Variants in SYT2 observed in about 807,000 individuals in gnomAD.
SYT2 encodes the protein synaptotagmin 2.
Under a neutral mutation model 39.9 loss-of-function variants are expected in SYT2, and 15 were observed. The observed-to-expected ratio is 0.38, with a 90% CI of 0.25 to 0.58. The LOEUF is 0.58. SYT2 is among the 20% of genes least tolerant of loss of function. The pLI is 0.70. For missense variants in SYT2, 389 were observed against 530.3 expected (o/e 0.73, Z 2.62); for synonymous variants, 181 against 204.5 (o/e 0.89, Z 0.98).
At chr1:202,640,790 G>GAGACAGACAGAC (rs796898888) in intron 1 of SYT2, among the ~76,000 whole-genome samples, 1 of 120,016 alleles carries the variant, frequency 8.3e-6, no homozygotes, top group Non-Finnish European at 1.8e-5. Context: ...GAGAGAGAGA[G>GAGACAGACAGAC]AGACAGACAG....
intron 2 of SYT2, 38 bp from the exon 3 acceptor site, chr1:202,604,659 A>G (rs771563807): frequency 1.2e-6 from 2 of 1,600,258 alleles, no homozygotes; most frequent in South Asian, 1.1e-5. Flanking sequence ...CAGCAGTGCC[A>G]TGCCTTGCAG....
At chr1:202,705,174 C>T (rs889792009) in intron 1 of SYT2, among the ~76,000 whole-genome samples, 11 of 152,268 alleles carry the variant, frequency 7.2e-5, no homozygotes, top group Non-Finnish European at 1.2e-4. Flanking sequence ...CTGCAAAGTG[C>T]CTATGATCTG....
rs770281263 is a variant in SYT2 at position 202,604,578 on chromosome 1, G to A, written c.222C>T (p.Leu74=). 1.2e-6 allele frequency: 2 copies of A among 1,614,160 alleles called. No homozygotes were observed. The highest frequency in any genetic ancestry group is 1.1e-5 in the South Asian group (1 of 91,082). Residue 74 remains leucine, a synonymous_variant, in exon 3 of 9, where the codon CTC becomes CTT. Transcript: ENST00000367268. ...ALIAIAVVAG[L]LLLTCCFCIC... ...TGCAGAAGCAGCAGGTGAGAAGCAG[G>A]AGCCCAGCAACCACAGCAATGGCGA...
chr1:202,664,149 G>T (rs1692440426), intron 1 of SYT2, among the ~76,000 whole-genome samples: 1 of 152,162 alleles, frequency 6.6e-6, no homozygotes, highest in South Asian at 2.1e-4. Flanking sequence ...ATGTTGAGAG[G>T]GGTAGAGGGA....
At chr1:202,664,162 A>G (rs2094900826) in intron 1 of SYT2, among the ~76,000 whole-genome samples, 1 of 152,024 alleles carries the variant, frequency 6.6e-6, no homozygotes, top group Non-Finnish European at 1.5e-5. Context: ...TAGAGGGAGG[A>G]CCTTTCCATG....
intron 1 of SYT2, among the ~76,000 whole-genome samples, chr1:202,646,678 G>A (rs889831483): frequency 2.0e-5 from 3 of 152,170 alleles, no homozygotes; most frequent in Admixed American, 6.5e-5. Context: ...AAAGATTAAC[G>A]GGATAATGTA....
chr1:202,616,328 T>G (rs1311376347), intron 1 of SYT2, among the ~76,000 whole-genome samples: 1 of 152,152 alleles, frequency 6.6e-6, no homozygotes, highest in Non-Finnish European at 1.5e-5. Context: ...TCCTGACTTC[T>G]CAGGAAGTCT....
chr1:202,656,716 T>C (rs573020908), intron 1 of SYT2, among the ~76,000 whole-genome samples: 110 of 152,354 alleles, frequency 7.2e-4, no homozygotes, highest in African/African-American at 2.5e-3. Flanking sequence ...GTTTCCTTTG[T>C]GTTTTCACTT....
At chr1:202,633,669 G>A (rs1403063914) in intron 1 of SYT2, among the ~76,000 whole-genome samples, 1 of 152,166 alleles carries the variant, frequency 6.6e-6, no homozygotes, top group Non-Finnish European at 1.5e-5. Context: ...AGGAAACTTA[G>A]GATCAATTGT....
At chr1:202,684,494 A>C (rs917334435) in intron 1 of SYT2, among the ~76,000 whole-genome samples, 2 of 152,158 alleles carry the variant, frequency 1.3e-5, no homozygotes, top group Non-Finnish European at 2.9e-5. Context: ...TGGCTAAATA[A>C]CATTCCATCG....
chr1:202,645,067 T>C (rs1692051501), intron 1 of SYT2, among the ~76,000 whole-genome samples: 1 of 152,100 alleles, frequency 6.6e-6, no homozygotes, highest in South Asian at 2.1e-4. Flanking sequence ...TGTGCGTGTG[T>C]TCATGTGTGG....
At position 202,604,617 on chromosome 1, in the gene SYT2, T is replaced by G; in HGVS notation, c.183A>C (p.Pro61=). 2 of 1,613,924 alleles carry G rather than the reference T, an allele frequency of 1.2e-6. No individual in the cohort carries two copies. The highest frequency in any genetic ancestry group is 1.1e-5 in the South Asian group (1 of 91,034). Reference sequence around the variant, plus strand: ...CAGCAATGGCGATCAGTGCCCAGGGTGGTACTGCCCACACAGAGAAGATCC... The same window carrying G: ...CAGCAATGGCGATCAGTGCCCAGGGGGGTACTGCCCACACAGAGAAGATCC... The part of the protein sequence containing the change: ...LFNEINKIPL[P]PWALIAIAVV... Residue 61 remains proline, a synonymous_variant, in exon 3 of 9, where the codon CCA becomes CCC. Coordinates refer to ENST00000367268, the MANE Select transcript of SYT2 (RefSeq NM_177402.5).
intron 1 of SYT2, among the ~76,000 whole-genome samples, chr1:202,683,483 A>G (rs1450838386): frequency 6.6e-6 from 1 of 152,226 alleles, no homozygotes; most frequent in Non-Finnish European, 1.5e-5. Flanking sequence ...CTCGCCTGTA[A>G]TCCCAGCATT....
chr1:202,683,208 T>C lies in SYT2; in HGVS notation c.-18+27050A>G, dbSNP rs1453524234. Among the ~76,000 whole-genome samples the C allele has an allele frequency of 7.9e-5, 12 of 152,320 alleles. 1 individual carries two copies. The South Asian group carries it at 1.0e-3, about 13-fold the overall frequency. ...GACCAAGCAAAACATACATACCCCG[T>C]GACCTAGCTAGAGAAATGTGCTTCC... On this transcript the variant is annotated intron_variant, in intron 1 of 8. Transcript: ENST00000367268.
Position 202,600,353 on chromosome 1 carries a change from G to T in SYT2, c.919+4C>A. On this transcript the variant is annotated splice_donor_region_variant and intron_variant, in intron 7 of 8. Coordinates refer to ENST00000367268, the MANE Select transcript of SYT2 (RefSeq NM_177402.5). ...CCAATGGCAGCCAGAAGCTCTCCAC[G>T]TACCTGAAAGGCCGCCCACGTCCAT... is the stretch of plus-strand genomic sequence containing the variant. The T allele has an allele frequency of 6.2e-7, 1 of 1,613,260 alleles. No individual in the cohort carries two copies. The highest frequency in any genetic ancestry group is 1.1e-5 in the South Asian group (1 of 91,068).
intron 1 of SYT2, among the ~76,000 whole-genome samples, chr1:202,642,506 G>T (rs10800844): frequency 6.6e-6 from 1 of 152,054 alleles, no homozygotes; most frequent in East Asian, 1.9e-4. Context: ...CCCTCCCATC[G>T]CCCACCCGGG....
chr1:202,620,665 C>T (rs1398887954), intron 1 of SYT2, among the ~76,000 whole-genome samples: 7 of 152,036 alleles, frequency 4.6e-5, no homozygotes, highest in African/African-American at 1.7e-4. Flanking sequence ...TCTCTCTTTC[C>T]TTAACTCCAA....
At chr1:202,615,897 A>ACTCC (rs1691018702) in intron 1 of SYT2, among the ~76,000 whole-genome samples, 1 of 151,734 alleles carries the variant, frequency 6.6e-6, no homozygotes, top group Non-Finnish European at 1.5e-5. Flanking sequence ...AATTCCCCAC[A>ACTCC]CTCCCTTGGC....
At chr1:202,708,496 T>TC (rs550161535) in intron 1 of SYT2, among the ~76,000 whole-genome samples, 33 of 151,902 alleles carry the variant, frequency 2.2e-4, no homozygotes, top group Non-Finnish European at 4.7e-4. Flanking sequence ...AAGCCAGGGA[T>TC]CTGCCTGGCA....
Sources: allele counts gnomAD v4.1 joint callset (sites outside exome capture counted in the v4.1 genomes callset), GRCh38; gene constraint gnomAD v4.1.1; transcripts MANE v1.5; gene names NCBI Gene and HGNC (gene_info 2026-07-23, HGNC 2026-07-21).